TECTA: variants seen among roughly 807,000 people sequenced by gnomAD.
TECTA encodes tectorin alpha, also known as alpha-tectorin.
TECTA carries 128 observed loss-of-function variants against 216.8 expected under a neutral mutation model. The ratio of observed to expected loss-of-function variants is 0.59; its 90% CI spans 0.51 to 0.68. The LOEUF is 0.68. TECTA is among the 30% of genes least tolerant of loss of function. The probability of loss-of-function intolerance (pLI) is 0.00; values close to 1 mark genes in which losing one functional copy is unlikely to be tolerated. For synonymous variants in TECTA, 1,089 were observed against 1,117.1 expected, an observed-to-expected ratio of 0.97 and a Z score of 0.50; for missense variants, 2,551 against 2,786.2, an observed-to-expected ratio of 0.92 and a Z score of 1.90.
rs1946424239 is a variant in TECTA at position 121,109,565 on chromosome 11, C to A, written c.486+67C>A. On this transcript the variant is annotated intron_variant, in intron 4 of 23. Transcript: ENST00000392793. ...ATCTAATTCTTGTCCATCTTCGCTA[C>A]CACGAAGGAGTCTAATTATTAGAGC... 2.6e-6 allele frequency: 4 copies of A among 1,563,330 alleles called. No individual in the cohort carries two copies. In the African/African-American group the frequency reaches 4.1e-5, roughly 16 times the overall value.
At chr11:121,161,511 C>T (rs1414417172) in intron 15 of TECTA, among the ~76,000 whole-genome samples, 9 of 135,102 alleles carry the variant, frequency 6.7e-5, no homozygotes, top group Middle Eastern at 3.6e-3. Context: ...TGGATTTGGC[C>T]GGCCTGCCTC....
At chr11:121,158,368 G>A in intron 14 of TECTA, 144 bp downstream of exon 14, 2 of 1,206,588 alleles carry the variant, frequency 1.7e-6, no homozygotes, top group South Asian at 2.6e-5. Flanking sequence ...AGGTTTTAAA[G>A]AATCAAAGTA....
rs765647388 is a variant in TECTA at position 121,130,109 on chromosome 11, G to A, written c.2839G>A (p.Gly947Arg). 14 of 1,612,892 alleles carry A rather than the reference G, an allele frequency of 8.7e-6. No individual in the cohort carries two copies. Among genetic ancestry groups the A allele is most frequent in the South Asian group, 2.2e-5 (2 of 91,066 alleles). Reference protein sequence around the residue: ...RTCLFRLCQSGGNESELCDSV... With the variant: ...RTCLFRLCQSRGNESELCDSV... ...CTGCCTTTTCCGCCTGTGCCAGAGT[G>A]GGGGCAATGAGTCAGAGCTCTGTGA... Residue 947 changes from glycine to arginine, a missense_variant, in exon 10 of 24, where the codon GGG (glycine) becomes AGG (arginine). Gly to Arg is a moderately radical substitution (Grantham distance 125). Transcript: ENST00000392793.
chr11:121,175,528 C>G (rs577590693), intron 20 of TECTA, among the ~76,000 whole-genome samples: 9 of 152,198 alleles, frequency 5.9e-5, no homozygotes, highest in African/African-American at 2.2e-4. Context: ...ATCCTGAGTT[C>G]TAGTTTGATT....
rs1946632700 is a variant in TECTA, at chr11:121,128,101, G to A, written c.2124G>A (p.Lys708=). 1 of 1,612,776 alleles carries A rather than the reference G, an allele frequency of 6.2e-7. No individual in the cohort carries two copies. The highest frequency in any genetic ancestry group is 1.1e-5 in the South Asian group (1 of 91,086). The part of the protein sequence containing the change: ...VEDGYQGCFP[K]RETVCLLSQN... ...ACGGCTACCAGGGCTGCTTCCCCAAGCGGGAGACCGTGTGCCTGCTCAGCC... is the reference window on the plus strand; with the variant it reads ...ACGGCTACCAGGGCTGCTTCCCCAAACGGGAGACCGTGTGCCTGCTCAGCC... Residue 708 remains lysine (K), a synonymous_variant, in exon 9 of 24, where the codon AAG becomes AAA. Transcript: ENST00000392793.
chr11:121,160,121 T>A lies in TECTA; in HGVS notation c.4690-14T>A. On this transcript the variant is annotated splice_polypyrimidine_tract_variant and intron_variant, in intron 14 of 23. Coordinates refer to ENST00000392793, the MANE Select transcript of TECTA (RefSeq NM_005422.4). ...CTCTAAGCGTAATTATTTTCTTTTT[T>A]CCTCCTCCAATAGGTGAATGGCACA... 6.2e-7 allele frequency: 1 copy of A among 1,614,194 alleles called. No homozygotes were observed. Among genetic ancestry groups the A allele is most frequent in the East Asian group, 2.2e-5 (1 of 44,884 alleles).
chr11:121,123,867 C>T (rs1470933240), intron 7 of TECTA, among the ~76,000 whole-genome samples: 1 of 152,168 alleles, frequency 6.6e-6, no homozygotes, highest in East Asian at 1.9e-4. Context: ...CTGCCCTCTC[C>T]TGCTGTCTCT....
At chr11:121,130,600 G>A (rs1460707336) in intron 10 of TECTA, among the ~76,000 whole-genome samples, 4 of 152,142 alleles carry the variant, frequency 2.6e-5, no homozygotes, top group Admixed American at 6.5e-5. Flanking sequence ...GGGCACCTTT[G>A]GGGCATGGAG....
In TECTA at chr11:121,131,642, C is replaced by G. The variant is rs542347968; in HGVS notation, c.2941+1431C>G. Among the ~76,000 whole-genome samples, 6 of 152,284 alleles carry G rather than the reference C, an allele frequency of 3.9e-5. No individual in the cohort carries two copies. In the South Asian group the frequency reaches 8.3e-4, roughly 21 times the overall value. ...TGTCTTTTACAGCCAAAACAAAAAACAAACCCTGGAATCCAATCCAGGATC... is the reference window on the plus strand; with the variant it reads ...TGTCTTTTACAGCCAAAACAAAAAAGAAACCCTGGAATCCAATCCAGGATC... On this transcript the variant is annotated intron_variant, in intron 10 of 23. Transcript: ENST00000392793.
At chr11:121,136,823 A>G in intron 10 of TECTA, among the ~76,000 whole-genome samples, 1 of 152,212 alleles carries the variant, frequency 6.6e-6, no homozygotes, top group South Asian at 2.1e-4. Flanking sequence ...TATTTAAATC[A>G]TTGAACTTCA....
intron 20 of TECTA, among the ~76,000 whole-genome samples, chr11:121,174,722 G>C (rs1334410485): frequency 2.0e-5 from 3 of 152,132 alleles, no homozygotes; most frequent in Admixed American, 6.5e-5. Flanking sequence ...AGTTAGGGAG[G>C]ATTCCCTCTT....
At chr11:121,131,328 T>A (rs1187548819) in intron 10 of TECTA, among the ~76,000 whole-genome samples, 1 of 152,162 alleles carries the variant, frequency 6.6e-6, no homozygotes, top group East Asian at 1.9e-4. Context: ...ACAGAAAAGT[T>A]GCAGGAATAA....
chr11:121,153,560 C>T (rs978653058), intron 13 of TECTA, among the ~76,000 whole-genome samples: 6 of 152,122 alleles, frequency 3.9e-5, no homozygotes, highest in African/African-American at 1.4e-4. Flanking sequence ...GTTGAGGCTC[C>T]GTGAGGGTAG....
chr11:121,175,293 A>G (rs1947154140), intron 20 of TECTA, among the ~76,000 whole-genome samples: 1 of 150,940 alleles, frequency 6.6e-6, no homozygotes, highest in Admixed American at 6.6e-5. Context: ...TTAGGGTGTC[A>G]ATTTTGGATC....
chr11:121,126,446 T>C (rs1946613250), intron 8 of TECTA, among the ~76,000 whole-genome samples: 1 of 152,194 alleles, frequency 6.6e-6, no homozygotes, highest in Non-Finnish European at 1.5e-5. Context: ...TCCTGGCTCT[T>C]TTGAATTACA....
rs1947338157 is a variant in TECTA, at chr11:121,191,305, G to C, written c.*499G>C. 5.4e-6 allele frequency: 1 copy of C among 186,212 alleles called. No homozygotes were observed. Among genetic ancestry groups the C allele is most frequent in the Non-Finnish European group, 1.1e-5 (1 of 88,344 alleles). The allele number at this position is 186,212 out of a possible 1,614,324, so 11.5% of individuals were successfully genotyped here. A position where few individuals can be genotyped will look rare whatever the true frequency, so the allele number is the denominator to read the frequency against. On this transcript the variant is annotated 3_prime_UTR_variant, in exon 24 of 24. Transcript: ENST00000392793. The stretch of plus-strand genomic sequence containing the variant: ...TATGCACGTGTTCTGTCTATGAGGC[G>C]CTTCTCCACCCACTGTGTCCTTCAA...
chr11:121,102,468 G>A (rs1946354931), intron 1 of TECTA, among the ~76,000 whole-genome samples, 197 bp from the exon 2 acceptor site: 1 of 152,118 alleles, frequency 6.6e-6, no homozygotes, highest in Admixed American at 6.5e-5. Context: ...CATCTAATTT[G>A]TTCATGAAGT....
intron 23 of TECTA, among the ~76,000 whole-genome samples, chr11:121,190,411 C>G (rs1403730795): frequency 6.6e-6 from 1 of 152,160 alleles, no homozygotes; most frequent in African/African-American, 2.4e-5. Flanking sequence ...ACTACAGGCA[C>G]ACGCCACCAC....
intron 13 of TECTA, 100 bp from the exon 14 acceptor site, chr11:121,157,741 T>C (rs1946955633): frequency 3.2e-6 from 5 of 1,565,772 alleles, no homozygotes; most frequent in East Asian, 2.2e-5. Context: ...CCATTAAAGA[T>C]AGGCTAGCCA....
Sources: allele counts gnomAD v4.1 joint callset (sites outside exome capture counted in the v4.1 genomes callset), GRCh38; gene constraint gnomAD v4.1.1; transcripts MANE v1.5; gene names NCBI Gene and HGNC (gene_info 2026-07-23, HGNC 2026-07-21).